Variants in TTC28 observed in about 807,000 individuals in gnomAD.
TTC28 encodes the protein tetratricopeptide repeat domain 28.
A neutral mutation model predicts 198.0 loss-of-function variants in TTC28; 61 were observed. The observed-to-expected ratio is 0.31, with a 90% CI of 0.25 to 0.38. The LOEUF (loss-of-function observed/expected upper bound fraction) is 0.38. TTC28 is among the 10% of genes least tolerant of loss of function. The pLI, the probability that TTC28 is intolerant of heterozygous loss-of-function variation, is 1.00. For missense variants in TTC28, 2,678 were observed against 3,164.0 expected (o/e 0.85, Z 3.69); for synonymous variants, 1,171 against 1,297.8 (o/e 0.90, Z 2.10).
intron 2 of TTC28, among the ~76,000 whole-genome samples, chr22:28,337,000 C>T (rs1364915925): frequency 6.6e-6 from 1 of 152,212 alleles, no homozygotes; most frequent in Non-Finnish European, 1.5e-5. Flanking sequence ...TCCCTCTACA[C>T]ACTGCTTTGA....
At chr22:28,395,685 T>G (rs2046804626) in intron 2 of TTC28, among the ~76,000 whole-genome samples, 1 of 151,732 alleles carries the variant, frequency 6.6e-6, no homozygotes, top group Admixed American at 6.6e-5. Context: ...TACTGTGTAT[T>G]TATATAAACT....
chr22:28,022,573 G>A (rs1325412667), intron 13 of TTC28, among the ~76,000 whole-genome samples: 1 of 152,222 alleles, frequency 6.6e-6, no homozygotes, highest in African/African-American at 2.4e-5. Flanking sequence ...CACAGGCGAG[G>A]ACTGCACCTG....
intron 6 of TTC28, among the ~76,000 whole-genome samples, chr22:28,148,229 T>A (rs1601385387): frequency 6.6e-6 from 1 of 152,206 alleles, no homozygotes; most frequent in African/African-American, 2.4e-5. Flanking sequence ...AGGAGTAAAA[T>A]TAAAATGATA....
chr22:28,342,308 A>T (rs1029819617), intron 2 of TTC28, among the ~76,000 whole-genome samples: 1 of 152,234 alleles, frequency 6.6e-6, no homozygotes, highest in Non-Finnish European at 1.5e-5. Flanking sequence ...AATCAAAAAC[A>T]TATCTATCAA....
At chr22:27,997,808 AC>A (rs1437141232) in intron 16 of TTC28, 2 of 152,330 alleles carry the variant, frequency 1.3e-5, no homozygotes, top group Admixed American at 1.3e-4. Context: ...TTTGGTTTGT[AC>A]TCTGTGAGTC....
intron 5 of TTC28, among the ~76,000 whole-genome samples, chr22:28,176,250 G>A (rs567222903): frequency 1.4e-3 from 216 of 152,200 alleles, no homozygotes; most frequent in Non-Finnish European, 2.6e-3. Flanking sequence ...CTAAAATCCT[G>A]TCATTTGTGA....
chr22:28,315,407 T>C (rs889594015), intron 2 of TTC28, among the ~76,000 whole-genome samples: 1 of 152,176 alleles, frequency 6.6e-6, no homozygotes, highest in African/African-American at 2.4e-5. Context: ...AGCTATGATA[T>C]CTACTTCTCC....
chr22:28,519,062 T>C (rs1159165755), intron 2 of TTC28, among the ~76,000 whole-genome samples: 1 of 152,198 alleles, frequency 6.6e-6, no homozygotes, highest in Non-Finnish European at 1.5e-5. Context: ...ACCTTGGTTA[T>C]GAAGTTTTCT....
At chr22:28,039,892 G>T (rs1939543345) in intron 12 of TTC28, among the ~76,000 whole-genome samples, 1 of 152,088 alleles carries the variant, frequency 6.6e-6, no homozygotes, top group Non-Finnish European at 1.5e-5. Flanking sequence ...GATAAAAAAT[G>T]ATAAAAGGGA....
At chr22:28,219,505 TA>T (rs760838089) in intron 5 of TTC28, among the ~76,000 whole-genome samples, 38 of 134,242 alleles carry the variant, frequency 2.8e-4, no homozygotes, top group Non-Finnish European at 2.9e-4. Flanking sequence ...GAGACTTTGT[TA>T]AAAAAAAAAA....
At chr22:28,293,825 T>A (rs183219012) in intron 5 of TTC28, among the ~76,000 whole-genome samples, 1 of 152,044 alleles carries the variant, frequency 6.6e-6, no homozygotes, top group East Asian at 1.9e-4. Context: ...AGTCAAGGAA[T>A]CAGATAAATA....
chr22:28,439,496 G>A (rs556959875), intron 2 of TTC28, among the ~76,000 whole-genome samples: 1 of 152,272 alleles, frequency 6.6e-6, no homozygotes, highest in East Asian at 1.9e-4. Flanking sequence ...AAGTATAATG[G>A]TAAATAACAC....
chr22:28,488,353 C>T (rs1048494013), intron 2 of TTC28, among the ~76,000 whole-genome samples: 8 of 152,288 alleles, frequency 5.3e-5, no homozygotes, highest in South Asian at 2.1e-4. Context: ...GGCCATTCCC[C>T]GACTGCTAGC....
intron 2 of TTC28, among the ~76,000 whole-genome samples, chr22:28,497,730 C>T (rs1488222662): frequency 6.6e-6 from 1 of 152,008 alleles, no homozygotes; most frequent in Non-Finnish European, 1.5e-5. Flanking sequence ...ACTTCAGTAA[C>T]TAAAAATCAA....
chr22:28,138,769 T>C (rs1014746164), intron 6 of TTC28, among the ~76,000 whole-genome samples: 2 of 152,138 alleles, frequency 1.3e-5, no homozygotes, highest in Admixed American at 6.5e-5. Flanking sequence ...TAGGCAGCGT[T>C]TCCTCTCCAA....
chr22:28,474,297 A>G (rs1263984100), intron 2 of TTC28, among the ~76,000 whole-genome samples: 4 of 152,230 alleles, frequency 2.6e-5, no homozygotes, highest in Non-Finnish European at 5.9e-5. Flanking sequence ...AAAGCTGAGA[A>G]GCAAACCAAT....
At chr22:28,052,122 C>T (rs1940111606) in intron 12 of TTC28, among the ~76,000 whole-genome samples, 1 of 152,140 alleles carries the variant, frequency 6.6e-6, no homozygotes, top group African/African-American at 2.4e-5. Flanking sequence ...ATTTCCAGTT[C>T]CCTTGGGGGT....
At chr22:28,138,470 G>C (rs1379090901) in intron 6 of TTC28, among the ~76,000 whole-genome samples, 2 of 152,200 alleles carry the variant, frequency 1.3e-5, no homozygotes, top group Non-Finnish European at 2.9e-5. Flanking sequence ...AGAGTTAAAA[G>C]TGTAATATTC....
intron 2 of TTC28, among the ~76,000 whole-genome samples, chr22:28,458,743 T>C (rs960326288): frequency 2.6e-5 from 4 of 151,662 alleles, no homozygotes; most frequent in Non-Finnish European, 5.9e-5. Context: ...TAGCCGGGCG[T>C]GGTGGCGGGC....
Sources: allele counts gnomAD v4.1 joint callset (sites outside exome capture counted in the v4.1 genomes callset), GRCh38; gene constraint gnomAD v4.1.1; transcripts MANE v1.5; gene names NCBI Gene and HGNC (gene_info 2026-07-23, HGNC 2026-07-21).